LRRK2: variants seen among roughly 807,000 people sequenced by gnomAD.
LRRK2 encodes the protein leucine rich repeat kinase 2, also known as leucine-rich repeat serine/threonine-protein kinase 2.
LRRK2 carries 203 observed loss-of-function variants against 302.6 expected under a neutral mutation model. That is an observed-to-expected ratio of 0.67 (90% confidence interval 0.60 to 0.75). The LOEUF (loss-of-function observed/expected upper bound fraction) is 0.75. Ranked by LOEUF, LRRK2 falls within the 30% of genes least tolerant of loss-of-function variation. LRRK2 has a pLI of 0.00. For synonymous variants in LRRK2, 1,066 were observed against 1,031.9 expected, an observed-to-expected ratio of 1.03 and a Z score of -0.63; for missense variants, 2,830 against 2,951.0, an observed-to-expected ratio of 0.96 and a Z score of 0.95.
At chr12:40,304,381 A>G in intron 27 of LRRK2, 1 of 570,276 alleles carries the variant, frequency 1.8e-6, no homozygotes, top group Non-Finnish European at 3.1e-6. Context: ...TCTACTTTTA[A>G]AAATAAGGTA....
intron 38 of LRRK2, among the ~76,000 whole-genome samples, chr12:40,324,424 C>G (rs1171617288): frequency 6.6e-6 from 1 of 152,106 alleles, no homozygotes; most frequent in East Asian, 1.9e-4. Context: ...TTATTATTAA[C>G]TGTAGGCTGA....
intron 39 of LRRK2, among the ~76,000 whole-genome samples, chr12:40,333,779 T>A (rs1408358336): frequency 2.0e-5 from 3 of 152,054 alleles, no homozygotes; most frequent in Non-Finnish European, 2.9e-5. Context: ...TGAGATAAGA[T>A]CTGAATGGCA....
At chr12:40,281,565 T>C (rs573907795) in intron 18 of LRRK2, among the ~76,000 whole-genome samples, 1 of 152,366 alleles carries the variant, frequency 6.6e-6, no homozygotes, top group East Asian at 1.9e-4. Context: ...AAAATAAATA[T>C]CTGTGAGCAG....
Position 40,293,553 on chromosome 12 carries a change from G to T in LRRK2, c.2698G>T (p.Gly900Cys), listed in dbSNP as rs1412219916. The T allele has an allele frequency of 1.3e-6, 2 of 1,595,262 alleles. No homozygotes were observed. The highest frequency in any genetic ancestry group is 1.7e-6 in the Non-Finnish European group (2 of 1,164,612). Reference protein sequence around the residue: ...SDDLDSEGSEGSFLVKKKSNS... With the variant: ...SDDLDSEGSECSFLVKKKSNS... Reference sequence around the variant, plus strand: ...TATCATTTTCAAAATAGGAAGTGAAGGCTCATTTCTTGTGAAAAAGAAATC... The same window carrying T: ...TATCATTTTCAAAATAGGAAGTGAATGCTCATTTCTTGTGAAAAAGAAATC... The change falls in exon 21 of 51, where the codon GGC becomes TGC. Residue 900 changes from glycine (G) to cysteine (C), a missense_variant. This residue lies in a region of LRRK2 where 2,121 missense variants were observed against 2,148.0 expected (regional missense o/e 0.99). Coordinates refer to ENST00000298910, the MANE Select transcript of LRRK2 (RefSeq NM_198578.4).
intron 2 of LRRK2, among the ~76,000 whole-genome samples, chr12:40,231,163 A>G (rs551804330): frequency 5.3e-5 from 8 of 152,256 alleles, no homozygotes; most frequent in African/African-American, 1.9e-4. Flanking sequence ...TAAAATCTCC[A>G]ACTTCACCTA....
Position 40,240,337 on chromosome 12 carries a change from G to T in LRRK2, c.572-146G>T, listed in dbSNP as rs1189642315. On this transcript the variant is annotated intron_variant, in intron 5 of 50. Transcript: ENST00000298910. Reference sequence around the variant, plus strand: ...TTTCTCATTATAACATTCTTAGGAAGGGCTGCTTCACAGAAATATATTTTT... The same window carrying T: ...TTTCTCATTATAACATTCTTAGGAATGGCTGCTTCACAGAAATATATTTTT... The T allele has an allele frequency of 1.3e-5, 10 of 753,070 alleles. No individual in the cohort carries two copies. In the East Asian group the frequency reaches 2.4e-4, roughly 18 times the overall value. 46.6% of individuals were successfully genotyped at this position (753,070 alleles called of 1,614,324 possible).
chr12:40,287,146 C>G lies in LRRK2; in HGVS notation c.2501-205C>G, dbSNP rs574509876. Among the ~76,000 whole-genome samples, 10 of 152,000 alleles carry G rather than the reference C, an allele frequency of 6.6e-5. No individual in the cohort carries two copies. In the South Asian group the frequency reaches 2.1e-3, roughly 32 times the overall value. ...TTCAGTTTTGCTGTCTACATGAAAG[C>G]ATTGTGTACATGGTTATGTTTTTTT... On this transcript the variant is annotated intron_variant, in intron 19 of 50. Transcript: ENST00000298910.
In LRRK2 at chr12:40,320,150, G is replaced by C; in HGVS notation, c.4990G>C (p.Glu1664Gln). 1 of 1,612,098 alleles carries C rather than the reference G, an allele frequency of 6.2e-7. No individual in the cohort carries two copies. Among genetic ancestry groups the C allele is most frequent in the Non-Finnish European group, 8.5e-7 (1 of 1,178,898 alleles). The change falls in exon 34 of 51, where the codon GAA becomes CAA. Residue 1664 changes from glutamate to glutamine, a missense_variant. Transcript: ENST00000298910. Reference sequence around the variant, plus strand: ...ATTCCAGATTGCTTTGCCAATAGGAGAAGAATATTTGCTGGTTCCAAGCAG... The same window carrying C: ...ATTCCAGATTGCTTTGCCAATAGGACAAGAATATTTGCTGGTTCCAAGCAG... ...EKFQIALPIG[E>Q]EYLLVPSSLS...
intron 14 of LRRK2, among the ~76,000 whole-genome samples, chr12:40,264,937 G>A (rs1202407309): frequency 6.6e-6 from 1 of 152,178 alleles, no homozygotes; most frequent in Admixed American, 6.5e-5. Context: ...GACATAATTA[G>A]TGTGAACATT....
chr12:40,272,552 G>A (rs558441649), intron 14 of LRRK2, among the ~76,000 whole-genome samples: 10 of 152,274 alleles, frequency 6.6e-5, no homozygotes, highest in African/African-American at 2.2e-4. Context: ...TTTTGGCATC[G>A]TTATTGTGGT....
Position 40,351,618 on chromosome 12 carries a change from G to C in LRRK2, c.6461G>C (p.Cys2154Ser), listed in dbSNP as rs371316474. Residue 2154 changes from cysteine (C) to serine (S), a missense_variant, in exon 44 of 51, where the codon TGC becomes TCC. Cys to Ser is a moderately radical substitution (Grantham distance 112). This residue lies in a region of LRRK2 where 456 missense variants were observed against 456.3 expected (regional missense o/e 1.00). Transcript: ENST00000298910. ...TTACCTAAAAACGTAATTGTTGAATGCATGGTTGCTACACATCACAACAGC... is the reference window on the plus strand; with the variant it reads ...TTACCTAAAAACGTAATTGTTGAATCCATGGTTGCTACACATCACAACAGC... ...ILLPKNVIVE[C>S]MVATHHNSRN... 4 of 1,614,046 alleles carry C rather than the reference G, an allele frequency of 2.5e-6. No homozygotes were observed. In the African/African-American group the frequency reaches 5.3e-5, roughly 22 times the overall value.
Position 40,334,958 on chromosome 12 carries a change from C to A in LRRK2, c.5758-9C>A, listed in dbSNP as rs202072308. The stretch of plus-strand genomic sequence containing the variant: ...TGAATTACTCTTACATGATTTTGGA[C>A]TTTTGCAGGAGCTTGTGGTGCTTTG... On this transcript the variant is annotated splice_polypyrimidine_tract_variant and intron_variant, in intron 39 of 50. Coordinates refer to ENST00000298910, the MANE Select transcript of LRRK2 (RefSeq NM_198578.4). The A allele has an allele frequency of 3.7e-6, 6 of 1,613,674 alleles. No homozygotes were observed. The highest frequency in any genetic ancestry group is 5.1e-6 in the Non-Finnish European group (6 of 1,179,956).
rs144867720 is a variant in LRRK2 at position 40,368,545 on chromosome 12, C to A, written c.*780C>A. Reference sequence around the variant, plus strand: ...GAATTTTGTATAATTAGTGTAAATACAGTGTTCAGTCCTTCAAGTGATATT... The same window carrying A: ...GAATTTTGTATAATTAGTGTAAATAAAGTGTTCAGTCCTTCAAGTGATATT... On this transcript the variant is annotated 3_prime_UTR_variant, in exon 51 of 51. Transcript: ENST00000298910. 2 of 151,894 alleles carry A rather than the reference C, an allele frequency of 1.3e-5. No homozygotes were observed. The highest frequency in any genetic ancestry group is 6.6e-5 in the Admixed American group (1 of 15,200). 9.4% of individuals were successfully genotyped at this position (151,894 alleles called of 1,614,324 possible). A position where few individuals can be genotyped will look rare whatever the true frequency, so the allele number is the denominator to read the frequency against.
intron 14 of LRRK2, among the ~76,000 whole-genome samples, chr12:40,268,338 C>T (rs979773693): frequency 2.0e-5 from 3 of 152,116 alleles, no homozygotes; most frequent in Admixed American, 6.6e-5. Context: ...TCACAAAAAC[C>T]TTGAAGCAAA....
At chr12:40,341,600 G>A (rs575273212) in intron 41 of LRRK2, among the ~76,000 whole-genome samples, 1 of 152,280 alleles carries the variant, frequency 6.6e-6, no homozygotes, top group Non-Finnish European at 1.5e-5. Flanking sequence ...GTCAGGCCCA[G>A]TGCCACGTAT....
rs1181433905 is a variant in LRRK2 at position 40,304,032 on chromosome 12, C to G, written c.3675C>G (p.Leu1225=). 1.2e-6 allele frequency: 2 copies of G among 1,613,692 alleles called. No homozygotes were observed. The highest frequency in any genetic ancestry group is 1.3e-5 in the African/African-American group (1 of 75,026). ...GGAAATCTTTGAACTTAAGGGAACT[C>G]TTATTTAGCCATAATCAGATCAGCA... is the stretch of plus-strand genomic sequence containing the variant. ...AHWKSLNLRE[L]LFSHNQISIL... The change falls in exon 27 of 51, where the codon CTC becomes CTG. Residue 1225 remains leucine, a synonymous_variant. Coordinates refer to ENST00000298910, the MANE Select transcript of LRRK2 (RefSeq NM_198578.4).
At chr12:40,250,291 A>G (rs1429268342) in intron 8 of LRRK2, among the ~76,000 whole-genome samples, 2 of 152,014 alleles carry the variant, frequency 1.3e-5, no homozygotes, top group Non-Finnish European at 1.5e-5. Flanking sequence ...GGAGTTCGAG[A>G]CCAGCCTGGC....
At chr12:40,344,897 T>C (rs759206117) in intron 41 of LRRK2, among the ~76,000 whole-genome samples, 21 of 152,046 alleles carry the variant, frequency 1.4e-4, no homozygotes, top group Admixed American at 7.9e-4. Flanking sequence ...TATTACTATG[T>C]ATACAATATA....
intron 6 of LRRK2, among the ~76,000 whole-genome samples, chr12:40,243,169 G>A (rs1336931554): frequency 1.3e-5 from 2 of 150,298 alleles, no homozygotes; most frequent in Non-Finnish European, 3.0e-5. Flanking sequence ...AAAAAAAAAA[G>A]AAATAGACCC....
Sources: gnomAD v4.1 joint callset for allele counts (sites outside exome capture counted in the v4.1 genomes callset) on GRCh38, gnomAD v4.1.1 for gene constraint, gnomAD v4.1.1 regional missense constraint, MANE v1.5 for transcripts, NCBI Gene and HGNC (gene_info 2026-07-23, HGNC 2026-07-21) for gene names.